The following FGF12 variants were observed in gnomAD, a reference collection of about 807,000 sequenced individuals.
FGF12 encodes the protein fibroblast growth factor 12B.
In FGF12, 14 loss-of-function variants were observed where a neutral mutation model predicts 23.6. The ratio of observed to expected loss-of-function variants is 0.59; its 90% CI spans 0.39 to 0.93. The LOEUF (loss-of-function observed/expected upper bound fraction) is 0.93, where lower values mean the gene tolerates loss of function less well. FGF12 is among the 40% of genes least tolerant of loss of function. The pLI is 0.00. For missense variants in FGF12, 175 were observed against 217.8 expected, an observed-to-expected ratio of 0.80 and a Z score of 1.24; for synonymous variants, 62 against 77.3, an observed-to-expected ratio of 0.80 and a Z score of 1.04.
intron 4 of FGF12, among the ~76,000 whole-genome samples, chr3:192,289,239 G>T (rs1714626689): frequency 6.6e-6 from 1 of 152,132 alleles, no homozygotes; most frequent in African/African-American, 2.4e-5. Context: ...TAAGTGCTGG[G>T]ATGCAGGACC....
At chr3:192,427,362 G>A (rs1386029743) in intron 2 of FGF12, among the ~76,000 whole-genome samples, 2 of 144,994 alleles carry the variant, frequency 1.4e-5, no homozygotes, top group Non-Finnish European at 3.0e-5. Flanking sequence ...CTGGGCGACA[G>A]AGCAGGACTC....
In FGF12 at chr3:192,353,040, A is replaced by G. The variant is rs184342396; in HGVS notation, c.124+7388T>C. On this transcript the variant is annotated intron_variant, in intron 3 of 5. Coordinates refer to ENST00000445105, the MANE Select transcript of FGF12 (RefSeq NM_004113.6). ...ATACCTTTACTTCTATATCAGAAGT[A>G]AATAAAAGACTATCAAAATCTTAGT... is the stretch of plus-strand genomic sequence containing the variant. Among the ~76,000 whole-genome samples, 11 of 152,332 alleles carry G rather than the reference A, an allele frequency of 7.2e-5. 1 individual carries two copies. In the East Asian group the frequency reaches 2.1e-3, roughly 29 times the overall value.
At chr3:192,589,531 G>A (rs1713536534) in intron 2 of FGF12, among the ~76,000 whole-genome samples, 1 of 151,748 alleles carries the variant, frequency 6.6e-6, no homozygotes, top group Admixed American at 6.6e-5. Flanking sequence ...TCCATGAGTA[G>A]GTCTCATCAA....
intron 4 of FGF12, among the ~76,000 whole-genome samples, chr3:192,181,212 G>A (rs912040577): frequency 5.3e-5 from 8 of 152,202 alleles, no homozygotes; most frequent in African/African-American, 1.9e-4. Context: ...TCAGAAAGCA[G>A]GGGCCTCACT....
Position 192,408,920 on chromosome 3 carries a change from G to A in FGF12, c.14-48382C>T, listed in dbSNP as rs536392220. The A allele has an allele frequency of 1.0e-6, 1 of 985,290 alleles. No individual in the cohort carries two copies. The highest frequency in any genetic ancestry group is 1.2e-6 in the Non-Finnish European group (1 of 829,956). The allele number at this position is 985,290 out of a possible 1,614,324, so 61.0% of individuals were successfully genotyped here. On this transcript the variant is annotated intron_variant, in intron 2 of 5. Transcript: ENST00000445105. The surrounding 1 kb of genome is among the most constrained non-coding windows in gnomAD (Gnocchi z 7.3). ...ATCGCGCCGGCTGCGGCTTTCCAGG[G>A]GCCGGCCACCCGAGTTCTGGAATTC...
chr3:192,501,529 G>C (rs1418982322), intron 2 of FGF12, among the ~76,000 whole-genome samples: 1 of 152,130 alleles, frequency 6.6e-6, no homozygotes, highest in Non-Finnish European at 1.5e-5. Flanking sequence ...AAATCATCAT[G>C]ATGACTCATC....
intron 2 of FGF12, among the ~76,000 whole-genome samples, chr3:192,389,829 T>A (rs557009998): frequency 6.6e-6 from 1 of 152,336 alleles, no homozygotes; most frequent in African/African-American, 2.4e-5. Context: ...ATATTATATG[T>A]CTGACTAAGA....
At chr3:192,278,945 A>G (rs1254112455) in intron 4 of FGF12, among the ~76,000 whole-genome samples, 2 of 152,038 alleles carry the variant, frequency 1.3e-5, no homozygotes, top group Non-Finnish European at 2.9e-5. Context: ...GGTGACTAAA[A>G]TTTTTGGTGG....
At chr3:192,537,698 C>T (rs1306705057) in intron 2 of FGF12, among the ~76,000 whole-genome samples, 1 of 151,972 alleles carries the variant, frequency 6.6e-6, no homozygotes, top group African/African-American at 2.4e-5. Flanking sequence ...TTATTGATTC[C>T]TTGTCAGATG....
At chr3:192,370,087 G>A (rs1168143482) in intron 2 of FGF12, among the ~76,000 whole-genome samples, 1 of 152,156 alleles carries the variant, frequency 6.6e-6, no homozygotes, top group East Asian at 1.9e-4. Flanking sequence ...GTGTGGTCAG[G>A]GTGAAGGAAA....
chr3:192,438,788 T>C (rs1201197322), intron 2 of FGF12, among the ~76,000 whole-genome samples: 2 of 152,224 alleles, frequency 1.3e-5, no homozygotes, highest in Non-Finnish European at 2.9e-5. Flanking sequence ...TCAGTTTGCA[T>C]GCGCTTCAAC....
At chr3:192,374,942 A>C (rs961300706) in intron 2 of FGF12, among the ~76,000 whole-genome samples, 9 of 152,184 alleles carry the variant, frequency 5.9e-5, no homozygotes, top group Non-Finnish European at 2.9e-5. Flanking sequence ...TCATCTCTTT[A>C]ATTCCATTCC....
At chr3:192,231,083 A>G (rs913661473) in intron 4 of FGF12, among the ~76,000 whole-genome samples, 5 of 152,174 alleles carry the variant, frequency 3.3e-5, no homozygotes, top group African/African-American at 4.8e-5. Context: ...ACCTGTAAAA[A>G]TGTCCTTGAT....
chr3:192,366,108 A>G (rs930142477), intron 2 of FGF12, among the ~76,000 whole-genome samples: 1 of 152,064 alleles, frequency 6.6e-6, no homozygotes, highest in Non-Finnish European at 1.5e-5. Context: ...CTGAATGGAC[A>G]TCATCCTTTC....
chr3:192,176,070 G>T (rs1389449617), intron 4 of FGF12, among the ~76,000 whole-genome samples: 1 of 152,118 alleles, frequency 6.6e-6, no homozygotes, highest in African/African-American at 2.4e-5. Flanking sequence ...CACCATCAAG[G>T]ATAAATAGAC....
intron 2 of FGF12, among the ~76,000 whole-genome samples, chr3:192,427,930 T>C (rs1721743543): frequency 6.6e-6 from 1 of 152,226 alleles, no homozygotes; most frequent in Non-Finnish European, 1.5e-5. Flanking sequence ...TGTGTTTGCT[T>C]AGATCAGAGT....
intron 2 of FGF12, among the ~76,000 whole-genome samples, chr3:192,642,746 A>C (rs1448314439): frequency 6.6e-6 from 1 of 152,230 alleles, no homozygotes; most frequent in African/African-American, 2.4e-5. Context: ...ATTAAATGTT[A>C]ATCGGAGGTC....
chr3:192,511,092 T>A (rs570957029), intron 2 of FGF12, among the ~76,000 whole-genome samples: 5 of 152,076 alleles, frequency 3.3e-5, no homozygotes, highest in African/African-American at 1.2e-4. Context: ...CATCTGATAA[T>A]CCTTCAGGCT....
chr3:192,291,363 T>C (rs530977512), intron 4 of FGF12, among the ~76,000 whole-genome samples: 1 of 152,172 alleles, frequency 6.6e-6, no homozygotes, highest in African/African-American at 2.4e-5. Context: ...GAAGGATCAC[T>C]TGAAACCAGG....
Sources: gnomAD v4.1 joint callset for allele counts (sites outside exome capture counted in the v4.1 genomes callset) on GRCh38, gnomAD v4.1.1 for gene constraint, Gnocchi (gnomAD v3.1) non-coding constraint, MANE v1.5 for transcripts, NCBI Gene and HGNC (gene_info 2026-07-23, HGNC 2026-07-21) for gene names.